The following CDYL2 variants were observed in gnomAD, a reference collection of about 807,000 sequenced individuals.
CDYL2 encodes chromodomain Y like 2.
In CDYL2, 23 loss-of-function variants were observed where a neutral mutation model predicts 49.4. The ratio of observed to expected loss-of-function variants is 0.47; its 90% CI spans 0.34 to 0.66. The LOEUF is 0.66. CDYL2 is among the 30% of genes least tolerant of loss of function. The pLI, the probability that CDYL2 is intolerant of heterozygous loss-of-function variation, is 0.01. For missense variants in CDYL2, 678 were observed against 656.4 expected (o/e 1.03, Z -0.36); for synonymous variants, 360 against 268.8 (o/e 1.34, Z -3.32).
intron 1 of CDYL2, among the ~76,000 whole-genome samples, chr16:80,788,858 AC>A (rs1251131903): frequency 6.6e-6 from 1 of 152,176 alleles, no homozygotes; most frequent in Non-Finnish European, 1.5e-5. Flanking sequence ...TCATCAAAGG[AC>A]TAATACCCAG....
chr16:80,786,727 A>G (rs1034491941), intron 1 of CDYL2, among the ~76,000 whole-genome samples: 3 of 152,220 alleles, frequency 2.0e-5, no homozygotes, highest in Admixed American at 2.0e-4. Context: ...ACACCATGGA[A>G]TACTATGCAG....
At chr16:80,762,294 T>A (rs541879831) in intron 1 of CDYL2, among the ~76,000 whole-genome samples, 1 of 152,158 alleles carries the variant, frequency 6.6e-6, no homozygotes, top group Non-Finnish European at 1.5e-5. Flanking sequence ...ATTCTGACTA[T>A]ACAAATGCAG....
intron 1 of CDYL2, among the ~76,000 whole-genome samples, chr16:80,717,198 C>T (rs959843313): frequency 6.6e-6 from 1 of 151,818 alleles, no homozygotes; most frequent in Non-Finnish European, 1.5e-5. Flanking sequence ...TGGAGACAGC[C>T]CTGCTGACAC....
intron 1 of CDYL2, among the ~76,000 whole-genome samples, chr16:80,751,912 G>C (rs1314061278): frequency 6.6e-6 from 1 of 152,124 alleles, no homozygotes; most frequent in Non-Finnish European, 1.5e-5. Context: ...TTTCTCAGGA[G>C]ATGGGCTGAG....
chr16:80,778,620 C>T (rs1907167059), intron 1 of CDYL2, among the ~76,000 whole-genome samples: 1 of 151,996 alleles, frequency 6.6e-6, no homozygotes, highest in Admixed American at 6.5e-5. Context: ...AATCATAAGA[C>T]TCAGTATCAC....
At chr16:80,793,535 G>C (rs1429997878) in intron 1 of CDYL2, among the ~76,000 whole-genome samples, 1 of 152,150 alleles carries the variant, frequency 6.6e-6, no homozygotes, top group South Asian at 2.1e-4. Context: ...TGGAAGCATA[G>C]GTTTCAAACA....
At chr16:80,703,676 A>T (rs1408222917) in intron 1 of CDYL2, among the ~76,000 whole-genome samples, 1 of 152,142 alleles carries the variant, frequency 6.6e-6, no homozygotes, top group Non-Finnish European at 1.5e-5. Context: ...CAAGTGACCC[A>T]GCCCCTCCCA....
chr16:80,620,988 G>C, intron 3 of CDYL2, 53 bp from the exon 4 acceptor site: 3 of 1,476,602 alleles, frequency 2.0e-6, no homozygotes, highest in Non-Finnish European at 2.7e-6. Context: ...CTGTAAGCCT[G>C]GGGCTTTCAG....
chr16:80,669,046 AAAG>A (rs1909389618), intron 2 of CDYL2, among the ~76,000 whole-genome samples: 2 of 152,126 alleles, frequency 1.3e-5, no homozygotes, highest in Admixed American at 1.3e-4. Context: ...GTAAAGAAAA[AAAG>A]AAGAACATTT....
At chr16:80,744,862 C>A (rs909383238) in intron 1 of CDYL2, among the ~76,000 whole-genome samples, 3 of 152,158 alleles carry the variant, frequency 2.0e-5, no homozygotes, top group African/African-American at 7.2e-5. Context: ...TGGATCCCCA[C>A]CCACAGTCCT....
chr16:80,716,874 G>C (rs1015789589), intron 1 of CDYL2, among the ~76,000 whole-genome samples: 3 of 151,898 alleles, frequency 2.0e-5, no homozygotes, highest in Non-Finnish European at 4.4e-5. Context: ...TGGATGGATG[G>C]ATGACTGGAT....
intron 1 of CDYL2, among the ~76,000 whole-genome samples, chr16:80,759,120 A>ATATATATATATATATATATATATGGTT (rs1567597491): frequency 4.2e-4 from 52 of 122,670 alleles, no homozygotes; most frequent in African/African-American, 5.3e-4. Flanking sequence ...ATATATATAT[A>ATATATATATATATATATATATATGGTT]TATATATATA....
intron 2 of CDYL2, 61 bp from the exon 3 acceptor site, chr16:80,633,297 G>T: frequency 6.6e-7 from 1 of 1,525,588 alleles, no homozygotes; most frequent in South Asian, 1.2e-5. Context: ...AGAAGGATGT[G>T]ATCAGAGGAC....
At chr16:80,657,531 C>G (rs547181128) in intron 2 of CDYL2, among the ~76,000 whole-genome samples, 1 of 152,218 alleles carries the variant, frequency 6.6e-6, no homozygotes, top group South Asian at 2.1e-4. Flanking sequence ...GAAATGGCTC[C>G]AAATCCACCC....
intron 2 of CDYL2, among the ~76,000 whole-genome samples, chr16:80,669,634 C>T (rs1361023603): frequency 2.6e-5 from 4 of 152,146 alleles, no homozygotes; most frequent in Non-Finnish European, 5.9e-5. Flanking sequence ...AGAGGCCAAG[C>T]AGGAGGGTCG....
chr16:80,750,913 G>C (rs1165086752), intron 1 of CDYL2, among the ~76,000 whole-genome samples: 2 of 152,066 alleles, frequency 1.3e-5, no homozygotes, highest in East Asian at 3.9e-4. Context: ...CCAGCTACTG[G>C]GGAGGCTGAG....
chr16:80,711,636 G>C (rs1261264218), intron 1 of CDYL2, among the ~76,000 whole-genome samples: 3 of 152,156 alleles, frequency 2.0e-5, no homozygotes, highest in East Asian at 3.8e-4. Flanking sequence ...ACCTCTCTGA[G>C]CCTTCCTTTC....
chr16:80,694,561 G>A (rs1054396240), intron 1 of CDYL2, among the ~76,000 whole-genome samples: 6 of 152,120 alleles, frequency 3.9e-5, no homozygotes, highest in African/African-American at 9.7e-5. Flanking sequence ...CGGAGTAAGA[G>A]ATATCAGTAT....
At chr16:80,760,516 G>A (rs1233334721) in intron 1 of CDYL2, among the ~76,000 whole-genome samples, 1 of 152,038 alleles carries the variant, frequency 6.6e-6, no homozygotes, top group Non-Finnish European at 1.5e-5. Flanking sequence ...AAGGATAAAT[G>A]CTTGAGGGAA....
Sources: allele counts gnomAD v4.1 joint callset (sites outside exome capture counted in the v4.1 genomes callset), GRCh38; gene constraint gnomAD v4.1.1; transcripts MANE v1.5; gene names NCBI Gene and HGNC (gene_info 2026-07-23, HGNC 2026-07-21).